The following GSTM5 variants were observed in gnomAD, a reference collection of about 807,000 sequenced individuals.
The protein encoded by GSTM5 is GST class-mu 5.
In GSTM5, 24 loss-of-function variants were observed where a neutral mutation model predicts 29.0. The observed-to-expected ratio is 0.83, with a 90% confidence interval of 0.60 to 1.16. The LOEUF (loss-of-function observed/expected upper bound fraction) is 1.16, where lower values mean the gene tolerates loss of function less well. Ranked by LOEUF, GSTM5 falls within the 50% of genes most tolerant of loss-of-function variation. GSTM5 has a pLI of 0.00. For synonymous variants in GSTM5, 91 were observed against 93.6 expected (o/e 0.97, Z 0.16); for missense variants, 290 against 263.0 (o/e 1.10, Z -0.71).
At position 109,716,142 on chromosome 1, in the gene GSTM5, G is replaced by A. The variant is rs768157634; in HGVS notation, c.567+902G>A. On this transcript the variant is annotated intron_variant, in intron 7 of 7. Transcript: ENST00000256593. ...GGCCTGGGGCCTGCCCCTCACTCAC[G>A]GGGAACCATCCCTCACCTGTGTTGA... is the stretch of plus-strand genomic sequence containing the variant. The A allele has an allele frequency of 9.0e-5, 27 of 300,192 alleles. No homozygotes were observed. In the Middle Eastern group the frequency reaches 3.7e-3, roughly 41 times the overall value. The allele number at this position is 300,192 out of a possible 1,614,324, so 18.6% of individuals were successfully genotyped here. A position where few individuals can be genotyped will look rare whatever the true frequency, so the allele number is the denominator to read the frequency against.
intron 7 of GSTM5, chr1:109,715,610 CTG>C (rs1484914755): frequency 5.5e-5 from 54 of 978,794 alleles, no homozygotes; most frequent in Non-Finnish European, 7.2e-5. Flanking sequence ...CTCATCCAGC[CTG>C]GGTTTCACAG....
intron 5 of GSTM5, chr1:109,714,554 T>G: frequency 4.3e-6 from 1 of 233,490 alleles, no homozygotes; most frequent in Non-Finnish European, 8.4e-6. Context: ...TCAATGTTCA[T>G]TGTTTTCTTC....
At chr1:109,713,841 C>A in intron 5 of GSTM5, 80 bp downstream of exon 5, 1 of 1,138,126 alleles carries the variant, frequency 8.8e-7, no homozygotes, top group South Asian at 1.3e-5. Context: ...AAAGTCAGGT[C>A]TGTAGCAGAC....
In GSTM5 at chr1:109,713,809, C is replaced by T; in HGVS notation, c.360+48C>T. On this transcript the variant is annotated intron_variant, in intron 5 of 7. Coordinates refer to ENST00000256593, the MANE Select transcript of GSTM5 (RefSeq NM_000851.4). The stretch of plus-strand genomic sequence containing the variant: ...AGTCACCCATTTCCCTGCCTTTTGG[C>T]CCAGACCAGGGAGGGACTTCCAAAG... 3 of 1,550,244 alleles carry T rather than the reference C, an allele frequency of 1.9e-6. No homozygotes were observed. In the East Asian group the frequency reaches 6.8e-5, roughly 35 times the overall value.
At chr1:109,714,812 G>A (rs1648686103) in intron 5 of GSTM5, 135 bp from the exon 6 acceptor site, 1 of 798,458 alleles carries the variant, frequency 1.3e-6, no homozygotes, top group Non-Finnish European at 2.2e-6. Context: ...TGAAGCCTGG[G>A]CACTGCCCCG....
chr1:109,717,133 G>GAACCA, intron 7 of GSTM5: 6 of 340,700 alleles, frequency 1.8e-5, no homozygotes, highest in South Asian at 6.4e-5. Flanking sequence ...AATGGTAGCT[G>GAACCA]TTATTATGGT....
At chr1:109,712,169 G>A (rs185770769), upstream of GSTM5, 992 of 888,870 alleles carry the variant, frequency 1.1e-3, 1 homozygote, top group Non-Finnish European at 1.5e-3. Context: ...CTCGCTCGGG[G>A]GCCTACAGAA....
intron 7 of GSTM5, 200 bp from the exon 8 acceptor site, chr1:109,717,137 T>C (rs1648773887): frequency 2.9e-6 from 1 of 346,926 alleles, no homozygotes; most frequent in Middle Eastern, 7.8e-4. Context: ...GTAGCTGTTA[T>C]TATGGTATAA....
Position 109,717,711 on chromosome 1 carries a change from C to T in GSTM5, c.*285C>T, listed in dbSNP as rs774722493. ...CTGCTTTTCCTGTCAGTGCTTTTCT[C>T]TTCTTTGAGAAGCCAGACTGATCTC... On this transcript the variant is annotated 3_prime_UTR_variant, in exon 8 of 8. Transcript: ENST00000256593. 10 of 380,018 alleles carry T rather than the reference C, an allele frequency of 2.6e-5. No individual in the cohort carries two copies. Among genetic ancestry groups the T allele is most frequent in the Non-Finnish European group, 5.0e-5 (10 of 199,864 alleles). 23.5% of individuals were successfully genotyped at this position (380,018 alleles called of 1,614,324 possible). A position where few individuals can be genotyped will look rare whatever the true frequency, so the allele number is the denominator to read the frequency against.
chr1:109,712,491 G>A, intron 1 of GSTM5, 127 bp from the exon 2 acceptor site: 1 of 1,329,114 alleles, frequency 7.5e-7, no homozygotes, highest in Non-Finnish European at 1.1e-6. Flanking sequence ...TGTGTGTTTG[G>A]GGGTGGGGGC....
At position 109,715,243 on chromosome 1, in the gene GSTM5, G is replaced by A. The variant is rs760695304; in HGVS notation, c.567+3G>A. The A allele has an allele frequency of 6.2e-7, 1 of 1,614,222 alleles. No homozygotes were observed. The highest frequency in any genetic ancestry group is 8.5e-7 in the Non-Finnish European group (1 of 1,180,040). On this transcript the variant is annotated splice_donor_region_variant and intron_variant, in intron 7 of 7. Transcript: ENST00000256593. Reference sequence around the variant, plus strand: ...AGGACTTCATCTCCCGCTTTGAGGTGATGCCCCCATCCTCCTTTCTCTTTG... The same window carrying A: ...AGGACTTCATCTCCCGCTTTGAGGTAATGCCCCCATCCTCCTTTCTCTTTG...
intron 5 of GSTM5, 90 bp from the exon 6 acceptor site, chr1:109,714,857 G>A: frequency 8.0e-7 from 1 of 1,247,452 alleles, no homozygotes; most frequent in Non-Finnish European, 1.2e-6. Context: ...GCTTGCCTGT[G>A]GCCAGCCTGG....
chr1:109,717,946 GGTGTGT>G lies in GSTM5; in HGVS notation c.*533_*538del. 6.5e-6 allele frequency: 1 copy of G among 152,960 alleles called. No individual in the cohort carries two copies. Among genetic ancestry groups the G allele is most frequent in the South Asian group, 2.0e-4 (1 of 4,940 alleles). The allele number at this position is 152,960 out of a possible 1,614,324, so 9.5% of individuals were successfully genotyped here. ...GTCCACAGCCAGAGCTTAGTGGATG[GGTGTGT>G]GTGTGTGTGTGTTGGGGGTGGTGAT... On this transcript the variant is annotated 3_prime_UTR_variant, in exon 8 of 8. Coordinates refer to ENST00000256593, the MANE Select transcript of GSTM5 (RefSeq NM_000851.4).
chr1:109,717,555 C>A lies in GSTM5; in HGVS notation c.*129C>A. ...TTCTACTCTCTTCTCTTCCCCAAGG[C>A]CTCATTGGCTTCCTTTCTTCTAACA... On this transcript the variant is annotated 3_prime_UTR_variant, in exon 8 of 8. Transcript: ENST00000256593. 1.5e-6 allele frequency: 1 copy of A among 668,498 alleles called. No individual in the cohort carries two copies. The highest frequency in any genetic ancestry group is 1.8e-5 in the African/African-American group (1 of 55,838). 41.4% of individuals were successfully genotyped at this position (668,498 alleles called of 1,614,324 possible).
At chr1:109,713,236 T>C (rs1648628850) in intron 3 of GSTM5, 53 bp downstream of exon 3, 3 of 1,607,646 alleles carry the variant, frequency 1.9e-6, no homozygotes, top group South Asian at 1.1e-5. Context: ...TGTCTCTGAC[T>C]GCATCTCCTC....
chr1:109,712,136 C>T (rs1648537411), upstream of GSTM5: 1 of 709,176 alleles, frequency 1.4e-6, no homozygotes, highest in Non-Finnish European at 2.6e-6. Flanking sequence ...CGGGAGGGGG[C>T]TTATTGATTC....
Position 109,712,278 on chromosome 1 carries a change from G to A in GSTM5, c.-35G>A, listed in dbSNP as rs780582876. The A allele has an allele frequency of 1.9e-6, 3 of 1,613,504 alleles. No homozygotes were observed. The South Asian group carries it at 3.3e-5, about 18-fold the overall frequency. ...CTCAAAGTCTGAGCCCCGCTCCGCT[G>A]ATGCCTGTCTGCAGAATCCGCACCA... On this transcript the variant is annotated 5_prime_UTR_variant, in exon 1 of 8. Transcript: ENST00000256593.
intron 7 of GSTM5, chr1:109,715,580 C>T: frequency 8.0e-7 from 1 of 1,255,496 alleles, no homozygotes; most frequent in Non-Finnish European, 1.1e-6. Flanking sequence ...CCATTTGTGA[C>T]AAAAGGAGAA....
chr1:109,715,490 G>C (rs1229519629), intron 7 of GSTM5: 1 of 1,487,358 alleles, frequency 6.7e-7, no homozygotes, highest in Non-Finnish European at 8.9e-7. Flanking sequence ...TCAGTCCTTT[G>C]CTCAGGGTCC....
Sources: allele counts gnomAD v4.1 joint callset, GRCh38; gene constraint gnomAD v4.1.1; transcripts MANE v1.5; gene names NCBI Gene and HGNC (gene_info 2026-07-23, HGNC 2026-07-21).